The following TUBGCP6 variants were observed in gnomAD, a reference collection of about 807,000 sequenced individuals.
TUBGCP6 encodes gamma-tubulin complex component 6.
In TUBGCP6, 161 loss-of-function variants were observed where a neutral mutation model predicts 175.8. The ratio of observed to expected loss-of-function variants is 0.92; its 90% confidence interval spans 0.81 to 1.04. The LOEUF is 1.04. Ranked by LOEUF, TUBGCP6 falls within the 50% of genes least tolerant of loss-of-function variation. TUBGCP6 has a pLI of 0.00. For synonymous variants in TUBGCP6, 1,173 were observed against 1,030.5 expected (o/e 1.14, Z -2.65); for missense variants, 2,572 against 2,433.0 (o/e 1.06, Z -1.20).
At position 50,220,305 on chromosome 22, in the gene TUBGCP6, G is replaced by A. The variant is rs146117828; in HGVS notation, c.4054C>T (p.Pro1352Ser). ...SVGENVSDVA[P>S]TQPWWPNTPG... is the part of the protein sequence containing the mutation. ...GTGTTGGGCCACCATGGTTGGGTGG[G>A]AGCCACGTCTGACACGTTCTCCCCC... The change falls in exon 16 of 25, where the codon CCC becomes TCC. Residue 1352 changes from proline (P) to serine (S), a missense_variant. Transcript: ENST00000248846. 17 of 1,577,088 alleles carry A rather than the reference G, an allele frequency of 1.1e-5. No individual in the cohort carries two copies. The African/African-American group carries it at 1.8e-4, about 16-fold the overall frequency.
At position 50,222,524 on chromosome 22, in the gene TUBGCP6, CA is replaced by C. The variant is rs1230470522; in HGVS notation, c.2338del (p.Trp780GlyfsTer17). 6.2e-7 allele frequency: 1 copy of C among 1,613,744 alleles called. No individual in the cohort carries two copies. Among genetic ancestry groups the C allele is most frequent in the Admixed American group, 1.7e-5 (1 of 60,028 alleles). Reference protein sequence around the residue: ...EAARREQKALWRIQRHRLESA... With the variant: ...EAARREQKALXRIQRHRLESA... The stretch of plus-strand genomic sequence containing the variant: ...CTCCAGTCGGTGCCTCTGGATTCTC[CA>C]CAGTGCCTTCTGCTCCCGACGAGCT... On this transcript the variant is annotated frameshift_variant, in exon 14 of 25. Coordinates refer to ENST00000248846, the MANE Select transcript of TUBGCP6 (RefSeq NM_020461.4). LOFTEE classifies it high-confidence loss of function.
chr22:50,224,550 C>A lies in TUBGCP6; in HGVS notation c.2026G>T (p.Ala676Ser). Residue 676 changes from alanine (A) to serine (S), a missense_variant, in exon 11 of 25, where the codon GCC becomes TCC. By Grantham distance (99) the Ala-to-Ser change is moderately conservative. Coordinates refer to ENST00000248846, the MANE Select transcript of TUBGCP6 (RefSeq NM_020461.4). ...AGGACCCTGGATGCTGCTTCCCGGG[C>A]ATGAGCGATTAATTCTTGTTTTGCA... ...EIAKQELIAH[A>S]REAASRVLSA... 1 of 1,614,160 alleles carries A rather than the reference C, an allele frequency of 6.2e-7. No homozygotes were observed. Among genetic ancestry groups the A allele is most frequent in the Non-Finnish European group, 8.5e-7 (1 of 1,180,036 alleles).
Position 50,218,030 on chromosome 22 carries a change from G to A in TUBGCP6, c.5256C>T (p.Ile1752=). 2 of 1,613,420 alleles carry A rather than the reference G, an allele frequency of 1.2e-6. No individual in the cohort carries two copies. The highest frequency in any genetic ancestry group is 1.7e-6 in the Non-Finnish European group (2 of 1,179,914). The change falls in exon 24 of 25, where the codon ATC becomes ATT. Residue 1752 remains isoleucine, a synonymous_variant. Coordinates refer to ENST00000248846, the MANE Select transcript of TUBGCP6 (RefSeq NM_020461.4). ...SLVLKFRSQL[I]SQAWGPPGGP... ...CCCCAGGGGGCCCCCAGGCCTGGGAGATGAGCTGGCTGCGGAACTTGAGCA... is the reference window on the plus strand; with the variant it reads ...CCCCAGGGGGCCCCCAGGCCTGGGAAATGAGCTGGCTGCGGAACTTGAGCA...
Position 50,229,569 on chromosome 22 carries a change from C to T in TUBGCP6, c.1125G>A (p.Gln375=), listed in dbSNP as rs1257342582. The T allele has an allele frequency of 1.3e-6, 2 of 1,590,042 alleles. No homozygotes were observed. The highest frequency in any genetic ancestry group is 2.3e-5 in the South Asian group (2 of 87,702). Residue 375 remains glutamine, a synonymous_variant, in exon 4 of 25, where the codon CAG becomes CAA. Coordinates refer to ENST00000248846, the MANE Select transcript of TUBGCP6 (RefSeq NM_020461.4). ...GGACGCCCCGCTTCACCACAAAGGC[C>T]TGGGCCGGCTGCACAGGGGCAGAGG... ...SATFSLCQPA[Q]AFVVKRGVHV... is the part of the protein sequence containing the mutation.
chr22:50,243,517 C>G (rs2064868665), intron 1 of TUBGCP6, among the ~76,000 whole-genome samples: 2 of 146,120 alleles, frequency 1.4e-5, no homozygotes, highest in African/African-American at 2.6e-5. Context: ...ACTCGGGAGG[C>G]TGAGGTACGA....
In TUBGCP6 at chr22:50,227,928, T is replaced by C. The variant is rs774132550; in HGVS notation, c.1391A>G (p.Lys464Arg). 6 of 1,576,220 alleles carry C rather than the reference T, an allele frequency of 3.8e-6. No homozygotes were observed. The highest frequency in any genetic ancestry group is 1.7e-4 in the Middle Eastern group (1 of 5,760). Reference sequence around the variant, plus strand: ...TCACCTGAGCTGCCGGCCAAGTTTCTTGAAGAGAAAACCAATGGTGAGGAG... The same window carrying C: ...TCACCTGAGCTGCCGGCCAAGTTTCCTGAAGAGAAAACCAATGGTGAGGAG... ...LSLLTIGFLF[K>R]KLGRQLRYLA... Residue 464 changes from lysine to arginine, a missense_variant, in exon 5 of 25, where the codon AAG (lysine) becomes AGG (arginine). Physicochemically the swap from Lys to Arg is conservative, Grantham distance 26 (BLOSUM62 2). Transcript: ENST00000248846.
In TUBGCP6 at chr22:50,244,408, C is replaced by T; in HGVS notation, c.52G>A (p.Ala18Thr). The T allele has an allele frequency of 1.9e-6, 3 of 1,613,114 alleles. No individual in the cohort carries two copies. The highest frequency in any genetic ancestry group is 1.1e-5 in the South Asian group (1 of 91,080). The change falls in exon 1 of 25, where the codon GCT (alanine) becomes ACT (threonine). Residue 18 changes from alanine to threonine, a missense_variant. Transcript: ENST00000248846. ...FDDLCEALLP[A>T]AKTHLGQRSV... ...CGCTGGCCCAGGTGAGTCTTGGCAG[C>T]CGGCAGGAGGGCCTCACACAGGTCG...
intron 1 of TUBGCP6, among the ~76,000 whole-genome samples, chr22:50,242,466 C>G (rs781142296): frequency 2.5e-4 from 38 of 151,784 alleles, no homozygotes; most frequent in Non-Finnish European, 4.1e-4. Flanking sequence ...CACTGCACTC[C>G]AGCCTGGGCG....
Position 50,221,045 on chromosome 22 carries a change from T to G in TUBGCP6, c.3314A>C (p.Asn1105Thr), listed in dbSNP as rs779805870. 4 of 1,611,992 alleles carry G rather than the reference T, an allele frequency of 2.5e-6. No individual in the cohort carries two copies. Among genetic ancestry groups the G allele is most frequent in the Non-Finnish European group, 3.4e-6 (4 of 1,179,608 alleles). The change falls in exon 16 of 25, where the codon AAC becomes ACC. Residue 1105 changes from asparagine to threonine, a missense_variant. Transcript: ENST00000248846. ...GGCGTTGGACACATGTCCATGGATG[T>G]TCCACCGTGGCCGAGTGGGAGCCAC... Reference protein sequence around the residue: ...SDVAPTRPRWNIHGHVSNASI... With the variant: ...SDVAPTRPRWTIHGHVSNASI...
At chr22:50,238,030 A>G (rs9628271) in intron 2 of TUBGCP6, among the ~76,000 whole-genome samples, 112,482 of 151,930 alleles carry the variant, frequency 0.74, 41,882 homozygotes, top group South Asian at 0.89. Context: ...CTACTTGGGA[A>G]GCTGAGGCAG....
At position 50,226,354 on chromosome 22, in the gene TUBGCP6, G is replaced by A. The variant is rs747635531; in HGVS notation, c.1626C>T (p.Ser542=). The part of the protein sequence containing the change: ...YTRFIHDWVY[S]GVFRDAYGEF... ...CGCCATAAGCGTCTCTGAACACCCCGCTGTACACCCAGTCGTGGATGAACC... is the reference window on the plus strand; with the variant it reads ...CGCCATAAGCGTCTCTGAACACCCCACTGTACACCCAGTCGTGGATGAACC... Residue 542 remains serine, a synonymous_variant, in exon 8 of 25, where the codon AGC becomes AGT. Coordinates refer to ENST00000248846, the MANE Select transcript of TUBGCP6 (RefSeq NM_020461.4). 3.0e-5 allele frequency: 49 copies of A among 1,611,834 alleles called. No individual in the cohort carries two copies. Among genetic ancestry groups the A allele is most frequent in the South Asian group, 1.2e-4 (11 of 90,846 alleles).
chr22:50,218,214 C>T lies in TUBGCP6; in HGVS notation c.5143G>A (p.Glu1715Lys). The T allele has an allele frequency of 1.2e-6, 2 of 1,612,380 alleles. No homozygotes were observed. Among genetic ancestry groups the T allele is most frequent in the Non-Finnish European group, 1.7e-6 (2 of 1,179,846 alleles). The part of the protein sequence containing the change: ...DLEEIQRAHA[E>K]YLHKAVFRGL... ...CTGAAGACGGCCTTGTGCAGGTACT[C>T]TGCGTGCGCACGCTGGATCTCCTCC... Residue 1715 changes from glutamate to lysine, a missense_variant, in exon 23 of 25, where the codon GAG becomes AAG. Glu to Lys is a moderately conservative substitution (Grantham distance 56). Coordinates refer to ENST00000248846, the MANE Select transcript of TUBGCP6 (RefSeq NM_020461.4).
intron 10 of TUBGCP6, among the ~76,000 whole-genome samples, chr22:50,225,148 TG>T (rs984089300): frequency 1.4e-5 from 2 of 145,000 alleles, no homozygotes; most frequent in Non-Finnish European, 3.0e-5. Flanking sequence ...CAGAGACATC[TG>T]GGGCTGAGGA....
rs190695755 is a variant in TUBGCP6, at chr22:50,232,926, G to A, written c.1116+390C>T. ...GCCCGGCCCCATCCCGGATGACACC[G>A]CATCCAGTGAGAAGAGCAGCGCAGG... On this transcript the variant is annotated intron_variant, in intron 3 of 24. Transcript: ENST00000248846. Among the ~76,000 whole-genome samples, 351 of 152,316 alleles carry A rather than the reference G, an allele frequency of 2.3e-3. 2 individuals are homozygous for A. Among genetic ancestry groups the A allele is most frequent in the South Asian group, 0.012 (56 of 4,822 alleles).
intron 10 of TUBGCP6, among the ~76,000 whole-genome samples, chr22:50,225,042 C>T (rs1278308774): frequency 7.9e-6 from 1 of 127,122 alleles, no homozygotes; most frequent in Admixed American, 8.3e-5. Flanking sequence ...CAGGTGATGG[C>T]AGGACACCGC....
Position 50,218,310 on chromosome 22 carries a change from A to ACCTTCACGAAATGCT in TUBGCP6, c.5046_5047insAGCATTTCGTGAAGG (p.Gly1682_Tyr1683insSerIleSerTer), listed in dbSNP as rs1356072338. 6.2e-7 allele frequency: 1 copy of ACCTTCACGAAATGCT among 1,613,100 alleles called. No individual in the cohort carries two copies. Among genetic ancestry groups the ACCTTCACGAAATGCT allele is most frequent in the Admixed American group, 1.7e-5 (1 of 60,026 alleles). On this transcript the variant is annotated stop_gained and inframe_insertion, in exon 23 of 25. Coordinates refer to ENST00000248846, the MANE Select transcript of TUBGCP6 (RefSeq NM_020461.4). LOFTEE classifies it high-confidence loss of function. ...ACGTGCAGGATCTGGTTGGCGATGT[A>ACCTTCACGAAATGCT]GCCCTGGATGACCTTCACGAAATGC...
chr22:50,231,459 G>GA (rs774212459), intron 3 of TUBGCP6, among the ~76,000 whole-genome samples: 3,036 of 138,674 alleles, frequency 0.022, 52 homozygotes, highest in Middle Eastern at 0.045. Flanking sequence ...GTCTCAAAAA[G>GA]AAAAAAAAAA....
chr22:50,226,952 C>T, intron 6 of TUBGCP6, 47 bp downstream of exon 6: 1 of 1,593,340 alleles, frequency 6.3e-7, no homozygotes, highest in South Asian at 1.1e-5. Flanking sequence ...ACCCCCGTTT[C>T]CTGGAGCCCA....
At chr22:50,232,449 A>G (rs1232918502) in intron 3 of TUBGCP6, among the ~76,000 whole-genome samples, 1 of 151,770 alleles carries the variant, frequency 6.6e-6, no homozygotes, top group South Asian at 2.1e-4. Context: ...TCCCAGCTAC[A>G]TGGAGGCTAA....
Sources: allele counts gnomAD v4.1 joint callset (sites outside exome capture counted in the v4.1 genomes callset), GRCh38; gene constraint gnomAD v4.1.1; transcripts MANE v1.5; gene names NCBI Gene and HGNC (gene_info 2026-07-23, HGNC 2026-07-21).